SOX5: variants seen among roughly 807,000 people sequenced by gnomAD.
SOX5 encodes the protein SRY-box transcription factor 5, also known as transcription factor SOX-5.
Under a neutral mutation model 92.0 loss-of-function variants are expected in SOX5, and 9 were observed. The ratio of observed to expected loss-of-function variants is 0.10; its 90% CI spans 0.06 to 0.17. SOX5 has a LOEUF of 0.17. SOX5 is among the 10% of genes least tolerant of loss of function. The probability of loss-of-function intolerance (pLI) is 1.00; values close to 1 mark genes in which losing one functional copy is unlikely to be tolerated. For synonymous variants in SOX5, 344 were observed against 336.3 expected (o/e 1.02, Z -0.25); for missense variants, 642 against 944.5 (o/e 0.68, Z 4.20).
intron 2 of SOX5, among the ~76,000 whole-genome samples, chr12:24,294,519 G>A (rs1338304736): frequency 2.0e-5 from 3 of 152,174 alleles, no homozygotes; most frequent in Admixed American, 2.0e-4. Context: ...ATACCTCCAT[G>A]CAAATGCCCA....
chr12:23,696,077 G>T (rs556640307), intron 6 of SOX5, among the ~76,000 whole-genome samples: 3 of 149,554 alleles, frequency 2.0e-5, no homozygotes, highest in African/African-American at 7.4e-5. Flanking sequence ...AAAAAATTTT[G>T]CACCTATCTT....
intron 9 of SOX5, among the ~76,000 whole-genome samples, chr12:23,590,638 T>C (rs1951399305): frequency 6.6e-6 from 1 of 152,058 alleles, no homozygotes; most frequent in South Asian, 2.1e-4. Flanking sequence ...TTGTTTGTTT[T>C]CCCCATTATA....
chr12:23,797,671 TC>T (rs1401961565), intron 3 of SOX5, among the ~76,000 whole-genome samples: 1 of 152,060 alleles, frequency 6.6e-6, no homozygotes, highest in African/African-American at 2.4e-5. Context: ...TTGGGACTGT[TC>T]TAAAGAAGTC....
intron 4 of SOX5, among the ~76,000 whole-genome samples, chr12:23,999,339 T>C (rs1181938260): frequency 6.6e-6 from 1 of 151,998 alleles, no homozygotes. Context: ...GACCAAAGAG[T>C]ATAACTTTGC....
chr12:24,381,207 A>G (rs1014707870), intron 1 of SOX5, among the ~76,000 whole-genome samples: 3 of 152,216 alleles, frequency 2.0e-5, no homozygotes. Flanking sequence ...ACGAAAAACC[A>G]AAACAACAAA....
At chr12:23,895,208 C>CAAAAA (rs33970684) in intron 2 of SOX5, among the ~76,000 whole-genome samples, 3 of 91,306 alleles carry the variant, frequency 3.3e-5, no homozygotes, top group Non-Finnish European at 4.2e-5. Context: ...GAATAGGATG[C>CAAAAA]AAAAAAAAAA....
intron 2 of SOX5, among the ~76,000 whole-genome samples, chr12:24,294,134 A>C (rs1467233628): frequency 6.6e-6 from 1 of 152,176 alleles, no homozygotes; most frequent in Non-Finnish European, 1.5e-5. Context: ...GACCCCACAG[A>C]ATTAGATCAA....
chr12:24,265,994 G>A (rs181709472), intron 3 of SOX5, among the ~76,000 whole-genome samples: 7 of 151,516 alleles, frequency 4.6e-5, no homozygotes, highest in African/African-American at 1.7e-4. Context: ...TTGATCTCCT[G>A]AGGAGCTGGG....
At chr12:23,897,338 T>C (rs1033042514) in intron 1 of SOX5, among the ~76,000 whole-genome samples, 1 of 152,164 alleles carries the variant, frequency 6.6e-6, no homozygotes, top group Admixed American at 6.5e-5. Flanking sequence ...ACAGGAGATA[T>C]TCTATTAAAA....
chr12:23,718,764 G>A (rs901321939), intron 6 of SOX5, among the ~76,000 whole-genome samples: 2 of 152,152 alleles, frequency 1.3e-5, no homozygotes, highest in Admixed American at 6.6e-5. Flanking sequence ...CAACCAAAGT[G>A]AGAGAAAGGA....
intron 4 of SOX5, among the ~76,000 whole-genome samples, chr12:23,969,060 T>C (rs1947925159): frequency 6.6e-6 from 1 of 152,194 alleles, no homozygotes; most frequent in Non-Finnish European, 1.5e-5. Context: ...AAATATTCTA[T>C]CATGATAAAT....
chr12:24,303,794 G>A (rs1199521340), intron 2 of SOX5, among the ~76,000 whole-genome samples: 1 of 152,206 alleles, frequency 6.6e-6, no homozygotes, highest in Non-Finnish European at 1.5e-5. Context: ...ACAAAGGTGT[G>A]AATGCCAGGA....
intron 1 of SOX5, among the ~76,000 whole-genome samples, chr12:24,512,450 T>C (rs116378718): frequency 0.011 from 1,658 of 152,342 alleles, 34 homozygotes; most frequent in African/African-American, 0.038. Context: ...GATCAAAGTT[T>C]AATAAAACTG....
chr12:24,533,330 A>T (rs959843761), intron 1 of SOX5, among the ~76,000 whole-genome samples: 3 of 152,196 alleles, frequency 2.0e-5, no homozygotes, highest in African/African-American at 7.2e-5. Context: ...AGATAATTTG[A>T]TGTTAAGTTC....
At chr12:24,506,784 C>CT (rs386375924) in intron 1 of SOX5, among the ~76,000 whole-genome samples, 2,408 of 81,648 alleles carry the variant, frequency 0.029, 144 homozygotes, top group Non-Finnish European at 0.035. Context: ...TCCAAATGGT[C>CT]TTTTTTTTTT....
intron 4 of SOX5, among the ~76,000 whole-genome samples, chr12:24,065,686 A>G (rs1940615723): frequency 6.6e-6 from 1 of 151,820 alleles, no homozygotes; most frequent in African/African-American, 2.4e-5. Flanking sequence ...AAAGAAAAAG[A>G]AAAAGAAATA....
intron 2 of SOX5, among the ~76,000 whole-genome samples, chr12:23,874,805 G>A (rs2096909978): frequency 6.6e-6 from 1 of 152,146 alleles, no homozygotes; most frequent in Non-Finnish European, 1.5e-5. Context: ...CATAAATCAT[G>A]AAAAACTACC....
intron 3 of SOX5, among the ~76,000 whole-genome samples, chr12:24,236,797 T>C (rs1374021970): frequency 6.6e-6 from 1 of 152,138 alleles, no homozygotes; most frequent in Non-Finnish European, 1.5e-5. Flanking sequence ...TCTGTAATGA[T>C]TCACAGTAGA....
chr12:23,773,809 G>A (rs913098116), intron 3 of SOX5, among the ~76,000 whole-genome samples: 1 of 152,144 alleles, frequency 6.6e-6, no homozygotes, highest in African/African-American at 2.4e-5. Context: ...AAAATGCAAT[G>A]CAAAGTATTA....
Sources: allele counts gnomAD v4.1 joint callset (sites outside exome capture counted in the v4.1 genomes callset), GRCh38; gene constraint gnomAD v4.1.1; transcripts MANE v1.5; gene names NCBI Gene and HGNC (gene_info 2026-07-23, HGNC 2026-07-21).